PCDH11X: variants seen among roughly 807,000 people sequenced by gnomAD.
PCDH11X encodes the protein protocadherin-11 X-linked.
A neutral mutation model predicts 53.3 loss-of-function variants in PCDH11X; 18 were observed. The observed-to-expected ratio is 0.34, with a 90% CI of 0.23 to 0.50. The LOEUF (loss-of-function observed/expected upper bound fraction) is 0.50, where lower values mean the gene tolerates loss of function less well. PCDH11X is among the 20% of genes least tolerant of loss of function. The pLI, the probability that PCDH11X is intolerant of heterozygous loss-of-function variation, is 0.98. For missense variants in PCDH11X, 570 were observed against 1,032.4 expected (o/e 0.55, Z 6.14); for synonymous variants, 279 against 393.3 (o/e 0.71, Z 3.44).
At chrX:92,022,969 T>G (rs2062910058) in intron 6 of PCDH11X, among the ~76,000 whole-genome samples, 1 of 109,764 alleles carries the variant, frequency 9.1e-6, no homozygotes, top group Non-Finnish European at 1.9e-5. Flanking sequence ...TTGAAACCAG[T>G]GAGAACAAAG....
At chrX:92,017,097 T>G (rs969295673) in intron 6 of PCDH11X, among the ~76,000 whole-genome samples, 10 of 100,320 alleles carry the variant, frequency 1.0e-4, no homozygotes, top group Non-Finnish European at 1.8e-4. Flanking sequence ...GACAGGACAT[T>G]CATCAATTAA....
chrX:92,232,808 CTG>C (rs2067101314), intron 7 of PCDH11X, among the ~76,000 whole-genome samples: 16 of 111,799 alleles, frequency 1.4e-4, no homozygotes, highest in Admixed American at 1.2e-3. Flanking sequence ...GCTCCGCCTT[CTG>C]CTTCACGCCA....
chrX:92,100,622 G>T (rs1459237769), intron 6 of PCDH11X, among the ~76,000 whole-genome samples: 1 of 111,154 alleles, frequency 9.0e-6, no homozygotes, highest in South Asian at 3.8e-4. Context: ...AGTTACTTCC[G>T]GCCATCTGGT....
intron 6 of PCDH11X, among the ~76,000 whole-genome samples, chrX:91,932,384 G>A (rs2061396391): frequency 9.6e-6 from 1 of 104,452 alleles, no homozygotes; most frequent in Admixed American, 1.1e-4. Flanking sequence ...GAGGTAGGAG[G>A]TGAGACAGGG....
At chrX:91,943,406 A>G (rs939258832) in intron 6 of PCDH11X, among the ~76,000 whole-genome samples, 1 of 110,663 alleles carries the variant, frequency 9.0e-6, no homozygotes, top group Admixed American at 9.6e-5. Flanking sequence ...TTTTGCTGTG[A>G]TCCTAAAATT....
chrX:92,410,972 T>A (rs2071632862), intron 9 of PCDH11X, among the ~76,000 whole-genome samples: 1 of 110,188 alleles, frequency 9.1e-6, no homozygotes, highest in Admixed American at 9.7e-5. Context: ...GTGGTATCAG[T>A]CACTGAGAAA....
chrX:92,598,159 G>A (rs1412534976), intron 10 of PCDH11X, among the ~76,000 whole-genome samples: 1 of 111,141 alleles, frequency 9.0e-6, no homozygotes, highest in Non-Finnish European at 1.9e-5. Context: ...CACAAGAACA[G>A]GCAACGAAAG....
In PCDH11X at chrX:92,622,497, T is replaced by C. The variant is rs1386852546; in HGVS notation, c.*3557T>C. The stretch of plus-strand genomic sequence containing the variant: ...CTTGTTTAGGCTTTTATTTATACTC[T>C]TCTGATTTATATTTTTTATTATAAT... On this transcript the variant is annotated 3_prime_UTR_variant, in exon 11 of 11. Transcript: ENST00000682573. 1 of 111,116 alleles carries C rather than the reference T, an allele frequency of 9.0e-6. No individual in the cohort carries two copies. Among genetic ancestry groups the C allele is most frequent in the Non-Finnish European group, 1.9e-5 (1 of 52,937 alleles). 9.2% of individuals were successfully genotyped at this position (111,116 alleles called of 1,213,427 possible).
chrX:92,424,489 C>T (rs1483852217), intron 9 of PCDH11X, among the ~76,000 whole-genome samples: 2 of 96,022 alleles, frequency 2.1e-5, no homozygotes, highest in Non-Finnish European at 4.6e-5. Context: ...CTGGCTCGTG[C>T]AGTTCGTAGG....
intron 9 of PCDH11X, among the ~76,000 whole-genome samples, chrX:92,430,348 G>T (rs1164191160): frequency 1.1e-5 from 1 of 91,621 alleles, no homozygotes; most frequent in African/African-American, 3.7e-5. Flanking sequence ...TGGCACAGTT[G>T]CTTGATTAAA....
intron 5 of PCDH11X, among the ~76,000 whole-genome samples, chrX:91,853,868 T>A (rs2147666548): frequency 9.0e-6 from 1 of 111,237 alleles, no homozygotes; most frequent in Non-Finnish European, 1.9e-5. Context: ...TTTTCTTTTT[T>A]CTTTTTAATT....
At chrX:92,066,367 AT>A (rs1396248893) in intron 6 of PCDH11X, among the ~76,000 whole-genome samples, 2 of 90,129 alleles carry the variant, frequency 2.2e-5, no homozygotes, top group African/African-American at 4.1e-5. Flanking sequence ...TTTTAGAATT[AT>A]TTTTTTTTCC....
chrX:92,611,319 G>T (rs1927354628), intron 10 of PCDH11X, among the ~76,000 whole-genome samples: 1 of 108,860 alleles, frequency 9.2e-6, no homozygotes, highest in African/African-American at 3.3e-5. Context: ...ACCTCTTGCT[G>T]CCTTGGTTAG....
At chrX:91,973,355 G>A (rs1310341847) in intron 6 of PCDH11X, among the ~76,000 whole-genome samples, 47 of 102,819 alleles carry the variant, frequency 4.6e-4, no homozygotes, top group African/African-American at 1.6e-3. Flanking sequence ...GAGTTAGTGG[G>A]TGCAGCGCAC....
At chrX:92,020,320 C>T (rs919514456) in intron 6 of PCDH11X, among the ~76,000 whole-genome samples, 4 of 112,163 alleles carry the variant, frequency 3.6e-5, no homozygotes, top group East Asian at 2.9e-4. Flanking sequence ...GGACAGCAGC[C>T]ATCTCTATAG....
Position 91,878,997 on chromosome X carries a change from C to T in PCDH11X, c.2757C>T (p.Tyr919=), listed in dbSNP as rs770852980. 5.0e-6 allele frequency: 6 copies of T among 1,211,402 alleles called. No individual in the cohort carries two copies. In the South Asian group the frequency reaches 8.8e-5, roughly 18 times the overall value. ...IDLEEQTMGK[Y]NWVTTPTTFK... ...TAGAAGAGCAAACAATGGGAAAGTA[C>T]AATTGGGTAACTACACCTACTACTT... The change falls in exon 6 of 11, where the codon TAC becomes TAT. Residue 919 remains tyrosine (Y), a synonymous_variant. Coordinates refer to ENST00000682573, the MANE Select transcript of PCDH11X (RefSeq NM_032968.5).
At chrX:91,884,220 AGT>A (rs1940093112) in intron 6 of PCDH11X, among the ~76,000 whole-genome samples, 1 of 109,539 alleles carries the variant, frequency 9.1e-6, no homozygotes, top group African/African-American at 3.3e-5. Flanking sequence ...AAAGAAAAAA[AGT>A]TATTTTTGTT....
chrX:91,823,755 G>A (rs759452242), intron 4 of PCDH11X, among the ~76,000 whole-genome samples: 1 of 111,209 alleles, frequency 9.0e-6, no homozygotes, highest in African/African-American at 3.3e-5. Flanking sequence ...AGTTGATGCA[G>A]TTTTTTTCTA....
At position 92,407,819 on chromosome X, in the gene PCDH11X, G is replaced by A. The variant is rs781018652; in HGVS notation, c.3343+19886G>A. On this transcript the variant is annotated intron_variant, in intron 9 of 10. Coordinates refer to ENST00000682573, the MANE Select transcript of PCDH11X (RefSeq NM_032968.5). ...TTATAATCCCACTAAGTGTGTATGAGGTTACTCTTCCCCTACACTTTTGCA... is the reference window on the plus strand; with the variant it reads ...TTATAATCCCACTAAGTGTGTATGAAGTTACTCTTCCCCTACACTTTTGCA... 9.0e-5 allele frequency among the ~76,000 whole-genome samples: 10 copies of A among 110,700 alleles called. No homozygotes were observed. The East Asian group carries it at 2.3e-3, about 25-fold the overall frequency.
Sources: gnomAD v4.1 joint callset for allele counts (sites outside exome capture counted in the v4.1 genomes callset) on GRCh38, gnomAD v4.1.1 for gene constraint, MANE v1.5 for transcripts, NCBI Gene and HGNC (gene_info 2026-07-23, HGNC 2026-07-21) for gene names.